Variants in TARDBP observed in about 807,000 individuals in gnomAD.
The protein encoded by TARDBP is TAR DNA binding protein, also known as TAR DNA-binding protein 43.
TARDBP carries 4 observed loss-of-function variants against 38.3 expected under a neutral mutation model. The ratio of observed to expected loss-of-function variants is 0.10; its 90% CI spans 0.05 to 0.24. The LOEUF (loss-of-function observed/expected upper bound fraction) is 0.24, where lower values mean the gene tolerates loss of function less well. Ranked by LOEUF, TARDBP falls within the 10% of genes least tolerant of loss-of-function variation. The pLI is 1.00. For missense variants in TARDBP, 202 were observed against 521.9 expected (o/e 0.39, Z 5.97); for synonymous variants, 184 against 183.8 (o/e 1.00, Z -0.01).
At chr1:11,012,891 G>C (rs1229273616) in intron 1 of TARDBP, 148 bp downstream of exon 1, 2 of 152,176 alleles carry the variant, frequency 1.3e-5, no homozygotes, top group Admixed American at 6.5e-5. Flanking sequence ...GGGCTCGCGC[G>C]GGAGCGTCGT....
At chr1:11,021,711 C>T (rs1643642530) in intron 5 of TARDBP, among the ~76,000 whole-genome samples, 1 of 152,236 alleles carries the variant, frequency 6.6e-6, no homozygotes, top group Middle Eastern at 3.2e-3. Flanking sequence ...GAGGATCCTC[C>T]AGCTTCAGCC....
downstream of TARDBP, chr1:11,029,999 C>A: frequency 1.9e-6 from 1 of 531,974 alleles, no homozygotes; most frequent in Non-Finnish European, 3.3e-6. Flanking sequence ...CAGCACCTAA[C>A]AACCTCTGTA....
At position 11,024,252 on chromosome 1, in the gene TARDBP, G is replaced by C. The variant is rs1253916684; in HGVS notation, c.*1598G>C. 1 of 152,302 alleles carries C rather than the reference G, an allele frequency of 6.6e-6. No individual in the cohort carries two copies. The highest frequency in any genetic ancestry group is 1.5e-5 in the Non-Finnish European group (1 of 67,990). The allele number at this position is 152,302 out of a possible 1,614,324, so 9.4% of individuals were successfully genotyped here. A position where few individuals can be genotyped will look rare whatever the true frequency, so the allele number is the denominator to read the frequency against. On this transcript the variant is annotated 3_prime_UTR_variant, in exon 6 of 6. Transcript: ENST00000240185. ...TGATACCCAGACTTAATTGGTATTT[G>C]TTCTTGCATTGGCCAAAGTGAAAAT...
chr1:11,021,694 C>G (rs1368092992), intron 5 of TARDBP, among the ~76,000 whole-genome samples: 2 of 152,166 alleles, frequency 1.3e-5, no homozygotes, highest in Non-Finnish European at 2.9e-5. Flanking sequence ...GGCTCAGCCT[C>G]CAGGGGGAGG....
At chr1:11,017,038 T>C in intron 3 of TARDBP, 31 bp downstream of exon 3, 1 of 1,610,802 alleles carries the variant, frequency 6.2e-7, no homozygotes, top group East Asian at 2.2e-5. Context: ...ACAGTTTTTC[T>C]TTACCAGTGA....
At chr1:11,014,112 C>T (rs924642685) in intron 2 of TARDBP, 147 bp downstream of exon 2, 9 of 835,096 alleles carry the variant, frequency 1.1e-5, no homozygotes, top group Non-Finnish European at 1.9e-5. Context: ...TTTGGAAGAC[C>T]ACGAGTCTAA....
At chr1:11,016,803 T>C (rs1379404313) in intron 2 of TARDBP, 41 bp from the exon 3 acceptor site, 3 of 1,604,310 alleles carry the variant, frequency 1.9e-6, no homozygotes, top group Non-Finnish European at 2.6e-6. Flanking sequence ...AAAGAAGTGC[T>C]AAGTGAAGAT....
At chr1:11,027,234 G>GATGC (rs1643752007), downstream of TARDBP, 6 of 1,614,070 alleles carry the variant, frequency 3.7e-6, no homozygotes, top group East Asian at 1.3e-4. Flanking sequence ...TCCCCATCCA[G>GATGC]ATGCAGTTCC....
Position 11,023,876 on chromosome 1 carries a change from A to G in TARDBP, c.*1222A>G, listed in dbSNP as rs1643685421. On this transcript the variant is annotated 3_prime_UTR_variant, in exon 6 of 6. Coordinates refer to ENST00000240185, the MANE Select transcript of TARDBP (RefSeq NM_007375.4). ...GTGGTGTGCTTTGCAGGAGGACTTGAAGCAGAGTTCACCAGTGAGCTCAGG... is the reference window on the plus strand; with the variant it reads ...GTGGTGTGCTTTGCAGGAGGACTTGGAGCAGAGTTCACCAGTGAGCTCAGG... 6.5e-6 allele frequency: 1 copy of G among 152,772 alleles called. No homozygotes were observed. The highest frequency in any genetic ancestry group is 1.5e-5 in the Non-Finnish European group (1 of 68,162). The allele number at this position is 152,772 out of a possible 1,614,324, so 9.5% of individuals were successfully genotyped here.
rs1256762575 is a variant in TARDBP at position 11,023,501 on chromosome 1, C to G, written c.*847C>G. Reference sequence around the variant, plus strand: ...TAGTATGAGCGAGAAAAGGAGAGAGCGCGTGCAGAGACTTGGTGGTGCATA... The same window carrying G: ...TAGTATGAGCGAGAAAAGGAGAGAGGGCGTGCAGAGACTTGGTGGTGCATA... On this transcript the variant is annotated 3_prime_UTR_variant, in exon 6 of 6. Coordinates refer to ENST00000240185, the MANE Select transcript of TARDBP (RefSeq NM_007375.4). The G allele has an allele frequency of 1.9e-6, 1 of 531,018 alleles. No individual in the cohort carries two copies. The allele number at this position is 531,018 out of a possible 1,614,324, so 32.9% of individuals were successfully genotyped here.
Position 11,013,626 on chromosome 1 carries a change from C to G in TARDBP, c.-12-90C>G, listed in dbSNP as rs930843143. 10 of 1,130,438 alleles carry G rather than the reference C, an allele frequency of 8.8e-6. No homozygotes were observed. In the Admixed American group the frequency reaches 1.6e-4, roughly 18 times the overall value. The allele number at this position is 1,130,438 out of a possible 1,614,324, so 70.0% of individuals were successfully genotyped here. A position where few individuals can be genotyped will look rare whatever the true frequency, so the allele number is the denominator to read the frequency against. On this transcript the variant is annotated intron_variant, in intron 1 of 5. Transcript: ENST00000240185. ...TCCAGACAAGCATTTTTCTGGAAGTCAGAACTCTGACATGGTTTGGGTATT... is the reference window on the plus strand; with the variant it reads ...TCCAGACAAGCATTTTTCTGGAAGTGAGAACTCTGACATGGTTTGGGTATT...
intron 4 of TARDBP, 121 bp from the exon 5 acceptor site, chr1:11,020,308 C>G: frequency 8.4e-7 from 1 of 1,189,052 alleles, no homozygotes; most frequent in Non-Finnish European, 1.2e-6. Context: ...AAGGGTACGT[C>G]TACTTTTTAA....
rs540511549 is a variant in TARDBP at position 11,024,751 on chromosome 1, T to A, written c.*2097T>A. 6.6e-6 allele frequency: 1 copy of A among 152,648 alleles called. No individual in the cohort carries two copies. Among genetic ancestry groups the A allele is most frequent in the African/African-American group, 2.4e-5 (1 of 41,440 alleles). The allele number at this position is 152,648 out of a possible 1,614,324, so 9.5% of individuals were successfully genotyped here. On this transcript the variant is annotated 3_prime_UTR_variant, in exon 6 of 6. Transcript: ENST00000240185. ...AGTTGAATAAAATCGCTTACAAAAC[T>A]CACACTCTCACAATGCATTGTTAAG...
At chr1:11,018,326 C>G in intron 3 of TARDBP, 1 of 250,118 alleles carries the variant, frequency 4.0e-6, no homozygotes, top group South Asian at 4.1e-5. Flanking sequence ...GTAGCTGGGA[C>G]TACAGGTGCA....
At chr1:11,017,847 A>G (rs1055337918) in intron 3 of TARDBP, among the ~76,000 whole-genome samples, 2 of 151,512 alleles carry the variant, frequency 1.3e-5, no homozygotes, top group African/African-American at 4.8e-5. Flanking sequence ...CAGGAGTTCA[A>G]GGCCACCTTG....
rs72870034 is a variant in TARDBP, at chr1:11,017,198, C to T, written c.402+191C>T. Among the ~76,000 whole-genome samples the T allele has an allele frequency of 0.016, 2,085 of 128,544 alleles. 43 individuals are homozygous for T. Among genetic ancestry groups the T allele is most frequent in the African/African-American group, 0.054 (1,800 of 33,562 alleles). 84.3% of individuals were successfully genotyped at this position (128,544 alleles called of 152,430 possible). On this transcript the variant is annotated intron_variant, in intron 3 of 5. Coordinates refer to ENST00000240185, the MANE Select transcript of TARDBP (RefSeq NM_007375.4). ...CCATGCCCAGCCACAATCTTGTTAC[C>T]TTTCTTTTTTTTTTTTTTTTTTGGA...
chr1:11,029,465 G>A (rs1291695410), downstream of TARDBP, among the ~76,000 whole-genome samples: 2 of 151,106 alleles, frequency 1.3e-5, no homozygotes, highest in Non-Finnish European at 2.9e-5. Flanking sequence ...AAAAAAAAAA[G>A]TACTATTAAA....
downstream of TARDBP, chr1:11,026,864 C>T: frequency 6.8e-7 from 1 of 1,466,796 alleles, no homozygotes. Context: ...AATGAAGAAT[C>T]CTTGACTGCA....
chr1:11,016,626 A>G (rs1259781799), intron 2 of TARDBP, among the ~76,000 whole-genome samples: 4 of 152,230 alleles, frequency 2.6e-5, no homozygotes, highest in African/African-American at 9.6e-5. Flanking sequence ...CAAAAAACAA[A>G]CTTGGAAATC....
Sources: allele counts gnomAD v4.1 joint callset (sites outside exome capture counted in the v4.1 genomes callset), GRCh38; gene constraint gnomAD v4.1.1; transcripts MANE v1.5; gene names NCBI Gene and HGNC (gene_info 2026-07-23, HGNC 2026-07-21).